The following SETBP1 variants were observed in gnomAD, a reference collection of about 807,000 sequenced individuals.
The protein encoded by SETBP1 is SET binding protein 1.
SETBP1 carries 9 observed loss-of-function variants against 101.0 expected under a neutral mutation model. The ratio of observed to expected loss-of-function variants is 0.09; its 90% confidence interval spans 0.05 to 0.16. The LOEUF (loss-of-function observed/expected upper bound fraction) is 0.16. Among genes scored for constraint, SETBP1 ranks in the 10% least tolerant of loss-of-function variants. The pLI is 1.00. For synonymous variants in SETBP1, 818 were observed against 788.5 expected, an observed-to-expected ratio of 1.04 and a Z score of -0.63; for missense variants, 1,858 against 2,033.8, an observed-to-expected ratio of 0.91 and a Z score of 1.66.
chr18:44,712,189 C>G (rs1378965484), intron 2 of SETBP1, among the ~76,000 whole-genome samples: 3 of 152,220 alleles, frequency 2.0e-5, no homozygotes, highest in Non-Finnish European at 4.4e-5. Flanking sequence ...CTCCCTCCCC[C>G]ACCAGATGGT....
chr18:44,871,079 T>C (rs995249455), intron 3 of SETBP1: 1 of 152,128 alleles, frequency 6.6e-6, no homozygotes, highest in African/African-American at 2.4e-5. Context: ...GTTATTCCAT[T>C]TGCGTGTCAT....
intron 5 of SETBP1, among the ~76,000 whole-genome samples, chr18:45,048,744 G>A (rs1311571798): frequency 2.7e-5 from 4 of 150,792 alleles, no homozygotes; most frequent in African/African-American, 4.9e-5. Context: ...AGGCCGAGGC[G>A]GGTGGATCAT....
chr18:45,002,024 G>T (rs1015944859), intron 4 of SETBP1, among the ~76,000 whole-genome samples: 1 of 152,054 alleles, frequency 6.6e-6, no homozygotes, highest in African/African-American at 2.4e-5. Context: ...AAATACCACA[G>T]ATCCGAAAAG....
chr18:44,746,005 G>T (rs970278580), intron 2 of SETBP1, among the ~76,000 whole-genome samples: 1 of 152,164 alleles, frequency 6.6e-6, no homozygotes, highest in African/African-American at 2.4e-5. Flanking sequence ...AGCTTGAATT[G>T]GGGCAGGGAG....
Position 44,952,823 on chromosome 18 carries a change from C to T in SETBP1, c.3483C>T (p.Asp1161=), listed in dbSNP as rs954586299. 3.7e-6 allele frequency: 6 copies of T among 1,614,090 alleles called. No homozygotes were observed. The highest frequency in any genetic ancestry group is 5.1e-6 in the Non-Finnish European group (6 of 1,180,030). ...KHKHKHKHKE[D]RILGTHDNLS... The stretch of plus-strand genomic sequence containing the variant: ...AACACAAGCATAAGCACAAGGAAGA[C>T]CGGATCCTAGGGACCCATGACAACC... The change falls in exon 4 of 6, where the codon GAC becomes GAT. Residue 1161 remains aspartate (D), a synonymous_variant. Coordinates refer to ENST00000649279, the MANE Select transcript of SETBP1 (RefSeq NM_015559.3).
chr18:45,006,218 C>T (rs2145356343), intron 4 of SETBP1, among the ~76,000 whole-genome samples: 1 of 152,240 alleles, frequency 6.6e-6, no homozygotes, highest in South Asian at 2.1e-4. Context: ...TCCTGAAGTG[C>T]TGGGATTACA....
intron 2 of SETBP1, among the ~76,000 whole-genome samples, chr18:44,850,518 A>G (rs892125250): frequency 6.6e-6 from 1 of 151,958 alleles, no homozygotes; most frequent in Non-Finnish European, 1.5e-5. Context: ...CTACAGGCGA[A>G]CGTCACCATG....
chr18:44,917,327 C>T (rs1349581548), intron 3 of SETBP1, among the ~76,000 whole-genome samples: 1 of 152,186 alleles, frequency 6.6e-6, no homozygotes, highest in Non-Finnish European at 1.5e-5. Flanking sequence ...GTAGGGCCCA[C>T]TCTAGGGTCA....
At position 44,926,867 on chromosome 18, in the gene SETBP1, C is replaced by T. The variant is rs559684024; in HGVS notation, c.541-23014C>T. 7.2e-5 allele frequency among the ~76,000 whole-genome samples: 11 copies of T among 152,250 alleles called. No individual in the cohort carries two copies. The East Asian group carries it at 1.5e-3, about 21-fold the overall frequency. ...TTCAGGTCAGTCTTTCCTTGGAGGT[C>T]GGTTCAAGAATCCAGAGCTATTGGG... is the stretch of plus-strand genomic sequence containing the variant. On this transcript the variant is annotated intron_variant, in intron 3 of 5. Transcript: ENST00000649279.
rs367976993 is a variant in SETBP1, at chr18:45,013,326, TCAAA to T, written c.4001-25150_4001-25147del. Among the ~76,000 whole-genome samples, 616 of 152,348 alleles carry T rather than the reference TCAAA, an allele frequency of 4.0e-3. 3 individuals carry two copies. The highest frequency in any genetic ancestry group is 0.014 in the African/African-American group (569 of 41,576). On this transcript the variant is annotated intron_variant, in intron 4 of 5. Coordinates refer to ENST00000649279, the MANE Select transcript of SETBP1 (RefSeq NM_015559.3). ...GCCTCAGCCCAGTGGGAATTTGCTC[TCAAA>T]CAAACAAAGGCCTGTTTGTAGAGCT...
intron 3 of SETBP1, among the ~76,000 whole-genome samples, chr18:44,925,015 T>TG (rs1568219254): frequency 0.018 from 2,544 of 141,250 alleles, 131 homozygotes; most frequent in East Asian, 0.13. Flanking sequence ...GAGTTTTTTT[T>TG]TTTTTTTTTT....
At chr18:44,955,512 C>A (rs1294091891) in intron 4 of SETBP1, among the ~76,000 whole-genome samples, 1 of 152,214 alleles carries the variant, frequency 6.6e-6, no homozygotes, top group East Asian at 1.9e-4. Flanking sequence ...AGTGTGCTTC[C>A]ATTCTTAAAG....
Position 44,950,412 on chromosome 18 carries a change from G to T in SETBP1, c.1072G>T (p.Ala358Ser). 6.2e-7 allele frequency: 1 copy of T among 1,614,150 alleles called. No homozygotes were observed. Among genetic ancestry groups the T allele is most frequent in the Non-Finnish European group, 8.5e-7 (1 of 1,180,038 alleles). Reference protein sequence around the residue: ...PNPDLDWVKNAQKAFDNTEGK... With the variant: ...PNPDLDWVKNSQKAFDNTEGK... ...CCCAGACCTGGATTGGGTCAAGAATGCCCAGAAAGCATTTGACAATACAGA... is the reference window on the plus strand; with the variant it reads ...CCCAGACCTGGATTGGGTCAAGAATTCCCAGAAAGCATTTGACAATACAGA... The change falls in exon 4 of 6, where the codon GCC becomes TCC. Residue 358 changes from alanine to serine, a missense_variant. Physicochemically the swap from Ala to Ser is moderately conservative, Grantham distance 99 (BLOSUM62 1). Transcript: ENST00000649279.
At chr18:44,794,835 G>T (rs62090587) in intron 2 of SETBP1, among the ~76,000 whole-genome samples, 9,099 of 152,200 alleles carry the variant, frequency 0.06, 369 homozygotes, top group East Asian at 0.14. Context: ...ACTATTGGTG[G>T]CAAAATGTGT....
Position 45,063,815 on chromosome 18 carries a change from G to C in SETBP1, c.*117G>C. ...GACACCCACGCCCTTCTCTCCAGAA[G>C]CCGGGCAGGCAGAATCCGGCCAGAC... is the stretch of plus-strand genomic sequence containing the variant. On this transcript the variant is annotated 3_prime_UTR_variant, in exon 6 of 6. Coordinates refer to ENST00000649279, the MANE Select transcript of SETBP1 (RefSeq NM_015559.3). The C allele has an allele frequency of 8.1e-7, 1 of 1,235,974 alleles. No homozygotes were observed. The highest frequency in any genetic ancestry group is 1.1e-6 in the Non-Finnish European group (1 of 893,622). The allele number at this position is 1,235,974 out of a possible 1,614,324, so 76.6% of individuals were successfully genotyped here. A position where few individuals can be genotyped will look rare whatever the true frequency, so the allele number is the denominator to read the frequency against.
chr18:45,025,263 T>C (rs2073142030), intron 4 of SETBP1, among the ~76,000 whole-genome samples: 1 of 152,148 alleles, frequency 6.6e-6, no homozygotes, highest in African/African-American at 2.4e-5. Flanking sequence ...TTGGCTTTAT[T>C]AGTGAAGTAA....
intron 4 of SETBP1, among the ~76,000 whole-genome samples, chr18:44,997,982 A>C (rs2072533968): frequency 1.3e-5 from 2 of 152,204 alleles, no homozygotes; most frequent in Admixed American, 1.3e-4. Flanking sequence ...ATAAGTAACA[A>C]AACTGGAATC....
At chr18:44,889,039 C>T (rs1200368496) in intron 3 of SETBP1, among the ~76,000 whole-genome samples, 4 of 152,074 alleles carry the variant, frequency 2.6e-5, no homozygotes, top group African/African-American at 9.7e-5. Flanking sequence ...GCTTGTAGGC[C>T]TTAATTTACT....
chr18:44,879,894 G>A (rs2069490948), intron 3 of SETBP1, among the ~76,000 whole-genome samples: 1 of 152,196 alleles, frequency 6.6e-6, no homozygotes, highest in African/African-American at 2.4e-5. Context: ...ACTCATGGAA[G>A]AGGAATAGCT....
Sources: allele counts gnomAD v4.1 joint callset (sites outside exome capture counted in the v4.1 genomes callset), GRCh38; gene constraint gnomAD v4.1.1; transcripts MANE v1.5; gene names NCBI Gene and HGNC (gene_info 2026-07-23, HGNC 2026-07-21).